Variants in LRP1B observed in about 807,000 individuals in gnomAD.
The protein encoded by LRP1B is low-density lipoprotein receptor-related protein 1B.
In LRP1B, 217 loss-of-function variants were observed where a neutral mutation model predicts 556.6. That is an observed-to-expected ratio of 0.39 (90% CI 0.35 to 0.44). The LOEUF (loss-of-function observed/expected upper bound fraction) is 0.44. LRP1B is among the 20% of genes least tolerant of loss of function. LRP1B has a pLI of 1.00. For synonymous variants in LRP1B, 2,047 were observed against 1,865.8 expected (o/e 1.10, Z -2.50); for missense variants, 5,053 against 5,620.8 (o/e 0.90, Z 3.23).
rs1309718501 is a variant in LRP1B, at chr2:140,803,269, T to G, written c.5359+10388A>C. Among the ~76,000 whole-genome samples the G allele has an allele frequency of 2.8e-4, 36 of 130,548 alleles. 1 individual carries two copies. Among genetic ancestry groups the G allele is most frequent in the South Asian group, 1.4e-3 (5 of 3,674 alleles). 85.6% of individuals were successfully genotyped at this position (130,548 alleles called of 152,430 possible). A position where few individuals can be genotyped will look rare whatever the true frequency, so the allele number is the denominator to read the frequency against. ...ATTAGTCCTATTGAAAGTTTTTTTT[T>G]TTTTTTTTTTTTTTTTTTTTTCCGA... is the stretch of plus-strand genomic sequence containing the variant. On this transcript the variant is annotated intron_variant, in intron 32 of 90. Transcript: ENST00000389484.
At chr2:140,792,142 C>A (rs748414277) in intron 32 of LRP1B, among the ~76,000 whole-genome samples, 1 of 152,248 alleles carries the variant, frequency 6.6e-6, no homozygotes, top group Non-Finnish European at 1.5e-5. Flanking sequence ...TCCTTTCAAG[C>A]CCAAACCCCC....
chr2:140,895,402 AG>A (rs898374781), intron 23 of LRP1B, among the ~76,000 whole-genome samples: 2 of 152,138 alleles, frequency 1.3e-5, no homozygotes, highest in Non-Finnish European at 1.5e-5. Context: ...GGACTTGGGA[AG>A]GGGGTGGCTC....
chr2:140,409,852 A>G (rs922381152), intron 66 of LRP1B, among the ~76,000 whole-genome samples: 1 of 152,024 alleles, frequency 6.6e-6, no homozygotes, highest in Non-Finnish European at 1.5e-5. Flanking sequence ...ACTGTAACAT[A>G]AATAATTATC....
intron 1 of LRP1B, among the ~76,000 whole-genome samples, chr2:141,964,254 C>A (rs1412262346): frequency 6.6e-6 from 1 of 150,980 alleles, no homozygotes; most frequent in Non-Finnish European, 1.5e-5. Context: ...CTTTAATGTT[C>A]ATATGGAACC....
chr2:140,304,854 A>C (rs1257315293), intron 83 of LRP1B, among the ~76,000 whole-genome samples: 1 of 152,210 alleles, frequency 6.6e-6, no homozygotes, highest in African/African-American at 2.4e-5. Context: ...GAAGTGATCC[A>C]GTTTCCACTT....
intron 6 of LRP1B, among the ~76,000 whole-genome samples, chr2:141,204,070 G>A (rs897723516): frequency 6.6e-6 from 1 of 152,162 alleles, no homozygotes; most frequent in African/African-American, 2.4e-5. Context: ...ATGCCCACAA[G>A]AGAAAGCAGG....
At chr2:140,626,468 A>G (rs1050416507) in intron 41 of LRP1B, among the ~76,000 whole-genome samples, 1 of 152,304 alleles carries the variant, frequency 6.6e-6, no homozygotes, top group East Asian at 1.9e-4. Flanking sequence ...GAAGAAGGGC[A>G]TATGTGGGAA....
intron 21 of LRP1B, among the ~76,000 whole-genome samples, chr2:140,917,943 G>T (rs910448482): frequency 2.0e-5 from 3 of 152,068 alleles, no homozygotes; most frequent in African/African-American, 7.2e-5. Context: ...GCATGTGAGG[G>T]CGGTGGGAGT....
At chr2:141,951,860 T>A (rs1045097486) in intron 1 of LRP1B, among the ~76,000 whole-genome samples, 2 of 152,176 alleles carry the variant, frequency 1.3e-5, no homozygotes, top group East Asian at 1.9e-4. Flanking sequence ...TTGCTTTTTT[T>A]AAATTAAGTT....
chr2:141,952,688 A>G (rs1701139080), intron 1 of LRP1B, among the ~76,000 whole-genome samples: 1 of 152,140 alleles, frequency 6.6e-6, no homozygotes, highest in South Asian at 2.1e-4. Flanking sequence ...AGAATCCCAA[A>G]TTGCACTCTT....
intron 1 of LRP1B, among the ~76,000 whole-genome samples, chr2:142,066,396 T>C (rs1444625964): frequency 6.6e-6 from 1 of 151,512 alleles, no homozygotes; most frequent in Non-Finnish European, 1.5e-5. Flanking sequence ...CCCATGTACA[T>C]ATCCAAGTTC....
chr2:141,183,296 G>A (rs908254708), intron 7 of LRP1B, among the ~76,000 whole-genome samples: 1 of 151,964 alleles, frequency 6.6e-6, no homozygotes, highest in Non-Finnish European at 1.5e-5. Flanking sequence ...AACCTTTTAC[G>A]TGTGTAGGCA....
chr2:141,119,309 C>T (rs1056722842), intron 7 of LRP1B, among the ~76,000 whole-genome samples: 1 of 151,816 alleles, frequency 6.6e-6, no homozygotes, highest in Admixed American at 6.6e-5. Context: ...TTTCCAAATC[C>T]CCACAACGTT....
intron 63 of LRP1B, among the ~76,000 whole-genome samples, chr2:140,449,089 G>A (rs1686782713): frequency 6.6e-6 from 1 of 151,968 alleles, no homozygotes; most frequent in South Asian, 2.1e-4. Context: ...ATGGTTCCAG[G>A]ATGAAATTTC....
chr2:140,800,806 A>G (rs987888533), intron 32 of LRP1B, among the ~76,000 whole-genome samples: 6 of 152,200 alleles, frequency 3.9e-5, no homozygotes, highest in Non-Finnish European at 5.9e-5. Flanking sequence ...ATTTCTATAT[A>G]CATATGTACA....
chr2:142,092,379 C>G (rs1706205535), intron 1 of LRP1B, among the ~76,000 whole-genome samples: 1 of 151,944 alleles, frequency 6.6e-6, no homozygotes, highest in South Asian at 2.1e-4. Flanking sequence ...GTATTATGTA[C>G]AGTGGTTATT....
chr2:141,922,607 A>C (rs2104976318), intron 1 of LRP1B, among the ~76,000 whole-genome samples: 1 of 152,318 alleles, frequency 6.6e-6, no homozygotes, highest in Non-Finnish European at 1.5e-5. Context: ...TTTTTGTATA[A>C]AGAAGGTATT....
At chr2:140,752,879 C>T (rs1002419460) in intron 35 of LRP1B, among the ~76,000 whole-genome samples, 3 of 152,130 alleles carry the variant, frequency 2.0e-5, no homozygotes, top group Non-Finnish European at 4.4e-5. Context: ...TACATTGACA[C>T]ATTGTCACCT....
intron 2 of LRP1B, among the ~76,000 whole-genome samples, chr2:141,726,044 A>G (rs1693016827): frequency 1.3e-5 from 2 of 151,606 alleles, no homozygotes; most frequent in South Asian, 4.1e-4. Context: ...AAAATTTATT[A>G]TAAAAAATGT....
Sources: gnomAD v4.1 joint callset for allele counts (sites outside exome capture counted in the v4.1 genomes callset) on GRCh38, gnomAD v4.1.1 for gene constraint, MANE v1.5 for transcripts, NCBI Gene and HGNC (gene_info 2026-07-23, HGNC 2026-07-21) for gene names.